RALYL: variants seen among roughly 807,000 people sequenced by gnomAD.
The protein encoded by RALYL is RNA-binding Raly-like protein.
Under a neutral mutation model 35.1 loss-of-function variants are expected in RALYL, and 29 were observed. The observed-to-expected ratio is 0.83, with a 90% CI of 0.61 to 1.13. RALYL has a LOEUF of 1.13. RALYL is among the 50% of genes most tolerant of loss of function. The probability of loss-of-function intolerance (pLI) is 0.00; values close to 1 mark genes in which losing one functional copy is unlikely to be tolerated. For missense variants in RALYL, 359 were observed against 360.4 expected (o/e 1.00, Z 0.03); for synonymous variants, 120 against 127.6 (o/e 0.94, Z 0.40).
At chr8:84,857,022 G>T (rs1385765977) in intron 5 of RALYL, among the ~76,000 whole-genome samples, 2 of 125,598 alleles carry the variant, frequency 1.6e-5, no homozygotes, top group East Asian at 4.5e-4. Flanking sequence ...GCGACAGAGC[G>T]AGACTCCGTC....
At chr8:84,668,629 A>C (rs1440429291) in intron 2 of RALYL, among the ~76,000 whole-genome samples, 1 of 151,888 alleles carries the variant, frequency 6.6e-6, no homozygotes, top group African/African-American at 2.4e-5. Context: ...GTTGGCATTA[A>C]ATAGAGAGGC....
chr8:84,523,509 T>A (rs1219465330), intron 1 of RALYL, among the ~76,000 whole-genome samples: 1 of 152,080 alleles, frequency 6.6e-6, no homozygotes, highest in Non-Finnish European at 1.5e-5. Flanking sequence ...TTTTATTTTT[T>A]TATTTTTTTA....
chr8:84,414,946 A>G (rs1490330409), intron 1 of RALYL, among the ~76,000 whole-genome samples: 1 of 152,094 alleles, frequency 6.6e-6, no homozygotes, highest in African/African-American at 2.4e-5. Flanking sequence ...TCAGACTTCT[A>G]CCACTGGCAG....
At chr8:84,654,335 G>A (rs1829542455) in intron 2 of RALYL, among the ~76,000 whole-genome samples, 1 of 118,986 alleles carries the variant, frequency 8.4e-6, no homozygotes, top group Non-Finnish European at 1.8e-5. Context: ...ATATAGGTAT[G>A]CTACATGAGA....
chr8:84,844,396 A>G (rs1834134878), intron 4 of RALYL, among the ~76,000 whole-genome samples: 1 of 152,228 alleles, frequency 6.6e-6, no homozygotes, highest in Admixed American at 6.5e-5. Flanking sequence ...CATCAGAGAA[A>G]TGCAAATCAA....
intron 1 of RALYL, among the ~76,000 whole-genome samples, chr8:84,200,199 A>G (rs1485313617): frequency 6.6e-6 from 1 of 152,162 alleles, no homozygotes; most frequent in Non-Finnish European, 1.5e-5. Flanking sequence ...AACTGTTACC[A>G]TTTACAAATA....
In RALYL at chr8:84,542,431, C is replaced by T. The variant is rs1247995634; in HGVS notation, c.256+12854C>T. On this transcript the variant is annotated intron_variant, in intron 2 of 8. Coordinates refer to ENST00000521268, the MANE Select transcript of RALYL (RefSeq NM_173848.7). The stretch of plus-strand genomic sequence containing the variant: ...TATTATCTGATACGGTTTGGCTGTG[C>T]CCCCACCCAAATCTCATCTTGAATT... Among the ~76,000 whole-genome samples, 8 of 152,100 alleles carry T rather than the reference C, an allele frequency of 5.3e-5. No homozygotes were observed. In the South Asian group the frequency reaches 8.3e-4, roughly 16 times the overall value.
At chr8:84,228,712 GT>G (rs1824574969) in intron 1 of RALYL, among the ~76,000 whole-genome samples, 1 of 152,158 alleles carries the variant, frequency 6.6e-6, no homozygotes, top group African/African-American at 2.4e-5. Context: ...AAGAAAAGAG[GT>G]TTAATTAACT....
intron 1 of RALYL, among the ~76,000 whole-genome samples, chr8:84,315,313 T>C (rs1390035634): frequency 6.6e-6 from 1 of 152,210 alleles, no homozygotes; most frequent in African/African-American, 2.4e-5. Context: ...GAAGTCTCTA[T>C]GTACTGATGG....
chr8:84,593,898 T>C (rs1350835521), intron 2 of RALYL, among the ~76,000 whole-genome samples: 1 of 152,050 alleles, frequency 6.6e-6, no homozygotes, highest in African/African-American at 2.4e-5. Flanking sequence ...GCACTGCCCT[T>C]CCTCAGAACC....
chr8:84,197,117 T>C (rs1815509044), intron 1 of RALYL, among the ~76,000 whole-genome samples: 1 of 152,230 alleles, frequency 6.6e-6, no homozygotes, highest in Non-Finnish European at 1.5e-5. Flanking sequence ...ATGATATACT[T>C]AACATGTAAA....
Position 84,185,700 on chromosome 8 carries a change from G to T in RALYL, c.-24+1276G>T, listed in dbSNP as rs549939465. On this transcript the variant is annotated intron_variant, in intron 1 of 8. Coordinates refer to ENST00000521268, the MANE Select transcript of RALYL (RefSeq NM_173848.7). Reference sequence around the variant, plus strand: ...TTAAATTACCATGTGTATATACTTTGAATTCTGTAAAATAAACATAAAGCA... The same window carrying T: ...TTAAATTACCATGTGTATATACTTTTAATTCTGTAAAATAAACATAAAGCA... 3.6e-4 allele frequency among the ~76,000 whole-genome samples: 55 copies of T among 152,156 alleles called. No homozygotes were observed. The East Asian group carries it at 4.1e-3, about 11-fold the overall frequency.
At chr8:84,276,438 A>G (rs775278775) in intron 1 of RALYL, among the ~76,000 whole-genome samples, 5 of 152,194 alleles carry the variant, frequency 3.3e-5, no homozygotes, top group African/African-American at 4.8e-5. Flanking sequence ...TGCATTTTAC[A>G]AAACATTTTC....
chr8:84,706,174 C>A (rs1184969468), intron 2 of RALYL: 1 of 1,002,002 alleles, frequency 1.0e-6, no homozygotes, highest in Non-Finnish European at 1.5e-6. Context: ...AGAAAAGATA[C>A]TGTAGCTTTT....
chr8:84,818,698 C>T (rs1326188608), intron 4 of RALYL, among the ~76,000 whole-genome samples: 1 of 152,166 alleles, frequency 6.6e-6, no homozygotes, highest in Non-Finnish European at 1.5e-5. Context: ...GGCTGTTTTG[C>T]TTTCAACTGA....
At position 84,884,798 on chromosome 8, in the gene RALYL, G is replaced by A. The variant is rs148320999; in HGVS notation, c.686-2806G>A. 5.5e-3 allele frequency among the ~76,000 whole-genome samples: 841 copies of A among 152,140 alleles called. 5 individuals carry two copies. Among genetic ancestry groups the A allele is most frequent in the African/African-American group, 0.019 (789 of 41,528 alleles). Reference sequence around the variant, plus strand: ...CATTTTTCACTGTACAGAATTATAAGAATCCCAAATTTCTATTTCTCTCTC... The same window carrying A: ...CATTTTTCACTGTACAGAATTATAAAAATCCCAAATTTCTATTTCTCTCTC... On this transcript the variant is annotated intron_variant, in intron 7 of 8. Coordinates refer to ENST00000521268, the MANE Select transcript of RALYL (RefSeq NM_173848.7).
At chr8:84,224,628 A>G (rs1442782327) in intron 1 of RALYL, among the ~76,000 whole-genome samples, 2 of 151,716 alleles carry the variant, frequency 1.3e-5, no homozygotes, top group African/African-American at 2.4e-5. Flanking sequence ...ATGATACAAC[A>G]TATTATTTAA....
intron 7 of RALYL, among the ~76,000 whole-genome samples, chr8:84,877,837 A>G (rs777601854): frequency 1.3e-5 from 2 of 152,176 alleles, no homozygotes; most frequent in Non-Finnish European, 2.9e-5. Context: ...AGCCTATAAC[A>G]TGACTACCAT....
intron 1 of RALYL, among the ~76,000 whole-genome samples, chr8:84,235,945 T>G (rs542905510): frequency 1.3e-5 from 2 of 151,978 alleles, no homozygotes; most frequent in African/African-American, 4.8e-5. Context: ...TTTTGTATTT[T>G]TAGTAGAGAC....
Sources: gnomAD v4.1 joint callset for allele counts (sites outside exome capture counted in the v4.1 genomes callset) on GRCh38, gnomAD v4.1.1 for gene constraint, MANE v1.5 for transcripts, NCBI Gene and HGNC (gene_info 2026-07-23, HGNC 2026-07-21) for gene names.